The following OR6J1 variants were observed in gnomAD, a reference collection of about 807,000 sequenced individuals.
OR6J1 encodes olfactory receptor 6J1.
For missense variants in OR6J1, 304 were observed against 166.8 expected (o/e 1.82, Z -4.53); for synonymous variants, 109 against 70.0 (o/e 1.56, Z -2.78).
intron 1 of OR6J1, among the ~76,000 whole-genome samples, chr14:22,637,584 T>C (rs1393574718): frequency 3.1e-5 from 1 of 31,786 alleles, no homozygotes; most frequent in Admixed American, 2.5e-4. Flanking sequence ...GGGAGGGAGG[T>C]GGGGGGGTCA....
chr14:22,638,743 A>G (rs185077567), intron 1 of OR6J1, among the ~76,000 whole-genome samples: 1 of 152,346 alleles, frequency 6.6e-6, no homozygotes, highest in East Asian at 1.9e-4. Context: ...CAAAAATATG[A>G]CAATAACAAG....
At position 22,641,257 on chromosome 14, in the gene OR6J1, GAAAGAAAGA is replaced by G. The variant is rs2037645621; in HGVS notation, c.-28+2832_-28+2840del. 1.2e-4 allele frequency among the ~76,000 whole-genome samples: 13 copies of G among 111,710 alleles called. 1 individual carries two copies. Among genetic ancestry groups the G allele is most frequent in the South Asian group, 6.3e-4 (2 of 3,180 alleles). The allele number at this position is 111,710 out of a possible 152,430, so 73.3% of individuals were successfully genotyped here. ...AGAAAGAAAGAAAGAAAGAAAGAAA[GAAAGAAAGA>G]AAGGAAGGAAGGAAGAAAGAGAAGA... is the stretch of plus-strand genomic sequence containing the variant. On this transcript the variant is annotated intron_variant, in intron 1 of 1. Transcript: ENST00000540461.
At chr14:22,642,547 T>C (rs1189318730) in intron 1 of OR6J1, among the ~76,000 whole-genome samples, 1 of 151,204 alleles carries the variant, frequency 6.6e-6, no homozygotes, top group Non-Finnish European at 1.5e-5. Flanking sequence ...ACCGTGTTGG[T>C]CAGGCTGGTC....
At chr14:22,642,312 A>AATATATATATATATATATATATATATAT (rs71421135) in intron 1 of OR6J1, among the ~76,000 whole-genome samples, 3 of 109,232 alleles carry the variant, frequency 2.7e-5, no homozygotes, top group East Asian at 2.3e-4. Flanking sequence ...TCAACTTAAG[A>AATATATATATATATATATATATATATAT]ATATATATAT....
rs1555310998 is a variant in OR6J1, at chr14:22,641,309, AAGAG to A, written c.-28+2785_-28+2788del. ...AGAGAAGAAAGAGAGACAGAGAGGA[AAGAG>A]AGAGAGAGGAAGGAAGGAAGAAAGG... is the stretch of plus-strand genomic sequence containing the variant. On this transcript the variant is annotated intron_variant, in intron 1 of 1. Coordinates refer to ENST00000540461, the MANE Select transcript of OR6J1 (RefSeq NM_001348233.2). 1.7e-4 allele frequency among the ~76,000 whole-genome samples: 15 copies of A among 88,870 alleles called. 1 individual carries two copies. The highest frequency in any genetic ancestry group is 6.0e-4 in the Admixed American group (6 of 9,928). The allele number at this position is 88,870 out of a possible 152,430, so 58.3% of individuals were successfully genotyped here. A position where few individuals can be genotyped will look rare whatever the true frequency, so the allele number is the denominator to read the frequency against.
rs745737345 is a variant in OR6J1 at position 22,634,443 on chromosome 14, G to A, written c.369C>T (p.Ala123=). ...LLTVMSYDRY[A]TICCPLRYTT... is the part of the protein sequence containing the mutation. ...TGTACCGCAGGGGGCAGCAGATGGT[G>A]GCATAACGGTCATAGGACATGACCG... is the stretch of plus-strand genomic sequence containing the variant. Residue 123 remains alanine, a synonymous_variant, in exon 2 of 2, where the codon GCC becomes GCT. Transcript: ENST00000540461. 1.1e-5 allele frequency: 8 copies of A among 703,240 alleles called. No individual in the cohort carries two copies. Among genetic ancestry groups the A allele is most frequent in the Non-Finnish European group, 2.1e-5 (8 of 384,956 alleles). 43.6% of individuals were successfully genotyped at this position (703,240 alleles called of 1,614,324 possible).
intron 1 of OR6J1, among the ~76,000 whole-genome samples, chr14:22,643,764 CAGAGAGAGAGAG>C (rs1233027589): frequency 1.9e-4 from 7 of 37,694 alleles, no homozygotes; most frequent in African/African-American, 4.9e-4. Flanking sequence ...CACACACACA[CAGAGAGAGAGAG>C]AGAGAGAGAG....
At position 22,638,730 on chromosome 14, in the gene OR6J1, A is replaced by C. The variant is rs961726436; in HGVS notation, c.-27-3892T>G. On this transcript the variant is annotated intron_variant, in intron 1 of 1. Coordinates refer to ENST00000540461, the MANE Select transcript of OR6J1 (RefSeq NM_001348233.2). The stretch of plus-strand genomic sequence containing the variant: ...ATTTTATACCCACTATATTGTCAAG[A>C]AGCAAAAATATGACAATAACAAGTG... 8.5e-5 allele frequency among the ~76,000 whole-genome samples: 13 copies of C among 152,226 alleles called. 2 individuals are homozygous for C. Among genetic ancestry groups the C allele is most frequent in the African/African-American group, 3.1e-4 (13 of 41,444 alleles).
intron 1 of OR6J1, among the ~76,000 whole-genome samples, chr14:22,639,348 C>T (rs1306458097): frequency 2.4e-5 from 3 of 125,002 alleles, no homozygotes; most frequent in African/African-American, 7.3e-5. Flanking sequence ...GCCACCCCGT[C>T]CGGGAGGGAG....
intron 1 of OR6J1, among the ~76,000 whole-genome samples, chr14:22,643,555 C>A (rs1193059080): frequency 6.6e-6 from 1 of 151,926 alleles, no homozygotes; most frequent in Admixed American, 6.6e-5. Context: ...TCTTAGCATC[C>A]CAAAGTGCTG....
At chr14:22,640,490 T>G (rs1467466289) in intron 1 of OR6J1, among the ~76,000 whole-genome samples, 1 of 144,202 alleles carries the variant, frequency 6.9e-6, no homozygotes, top group African/African-American at 2.5e-5. Context: ...AATGTATTTT[T>G]TTTTTTTTTT....
At position 22,636,659 on chromosome 14, in the gene OR6J1, G is replaced by A. The variant is rs1318628690; in HGVS notation, c.-27-1821C>T. ...TCCAGCTCCTAGCCACGAGTGATCCGCCAGCCTCAGCCTCCCGGGGTGCCG... is the reference window on the plus strand; with the variant it reads ...TCCAGCTCCTAGCCACGAGTGATCCACCAGCCTCAGCCTCCCGGGGTGCCG... On this transcript the variant is annotated intron_variant, in intron 1 of 1. Coordinates refer to ENST00000540461, the MANE Select transcript of OR6J1 (RefSeq NM_001348233.2). Among the ~76,000 whole-genome samples the A allele has an allele frequency of 1.2e-4, 14 of 115,486 alleles. 1 individual carries two copies. Among genetic ancestry groups the A allele is most frequent in the African/African-American group, 3.8e-4 (8 of 20,812 alleles). 75.8% of individuals were successfully genotyped at this position (115,486 alleles called of 152,430 possible). A position where few individuals can be genotyped will look rare whatever the true frequency, so the allele number is the denominator to read the frequency against.
rs755835818 is a variant in OR6J1, at chr14:22,634,047, C to T, written c.765G>A (p.Val255=). The part of the protein sequence containing the change: ...TIVIISSGIT[V]FIYVTPSQKE... ...TCTGGGAGGGAGTCACATAGATAAA[C>T]ACAGTGATGCCACTAGAAATGATGA... Residue 255 remains valine (V), a synonymous_variant, in exon 2 of 2, where the codon GTG becomes GTA. Coordinates refer to ENST00000540461, the MANE Select transcript of OR6J1 (RefSeq NM_001348233.2). 7.1e-6 allele frequency: 5 copies of T among 702,808 alleles called. No individual in the cohort carries two copies. Among genetic ancestry groups the T allele is most frequent in the African/African-American group, 5.2e-5 (3 of 57,224 alleles). The allele number at this position is 702,808 out of a possible 1,614,324, so 43.5% of individuals were successfully genotyped here.
In OR6J1 at chr14:22,638,672, AAAT is replaced by A. The variant is rs1466857437; in HGVS notation, c.-27-3837_-27-3835del. ...AATAAAAAAAATAAAAATAAAAAAA[AAAT>A]AAAAAAAATTAAGACACTAGCAAGA... On this transcript the variant is annotated intron_variant, in intron 1 of 1. Transcript: ENST00000540461. Among the ~76,000 whole-genome samples, 282 of 110,408 alleles carry A rather than the reference AAAT, an allele frequency of 2.6e-3. 25 individuals are homozygous for A. The highest frequency in any genetic ancestry group is 7.7e-3 in the Admixed American group (90 of 11,726). 72.4% of individuals were successfully genotyped at this position (110,408 alleles called of 152,430 possible). A position where few individuals can be genotyped will look rare whatever the true frequency, so the allele number is the denominator to read the frequency against.
At chr14:22,638,075 A>G (rs1243623923) in intron 1 of OR6J1, among the ~76,000 whole-genome samples, 2 of 98,366 alleles carry the variant, frequency 2.0e-5, no homozygotes, top group South Asian at 2.9e-4. Flanking sequence ...CCGGGAGGTG[A>G]GGGGCGCTTC....
chr14:22,635,633 T>C (rs2037578232), intron 1 of OR6J1, among the ~76,000 whole-genome samples: 1 of 152,046 alleles, frequency 6.6e-6, no homozygotes. Context: ...CAAATATACA[T>C]AAAAATGACC....
At chr14:22,636,755 G>T (rs1356315609) in intron 1 of OR6J1, among the ~76,000 whole-genome samples, 3 of 116,856 alleles carry the variant, frequency 2.6e-5, no homozygotes, top group African/African-American at 1.4e-4. Context: ...GCGTGATCTC[G>T]GCTCGCTACA....
intron 1 of OR6J1, among the ~76,000 whole-genome samples, chr14:22,641,398 A>AAGG (rs1491091645): frequency 0.57 from 69,952 of 121,788 alleles, 19,517 homozygotes; most frequent in East Asian, 0.69. Flanking sequence ...AGAGAGAGAG[A>AAGG]AAGGAAGGAT....
At chr14:22,643,002 T>C (rs1250617028) in intron 1 of OR6J1, among the ~76,000 whole-genome samples, 1 of 150,216 alleles carries the variant, frequency 6.7e-6, no homozygotes, top group Non-Finnish European at 1.5e-5. Flanking sequence ...AGTTTTACTC[T>C]TGTCACCCAG....
Sources: gnomAD v4.1 joint callset for allele counts (sites outside exome capture counted in the v4.1 genomes callset) on GRCh38, gnomAD v4.1.1 for gene constraint, MANE v1.5 for transcripts, NCBI Gene and HGNC (gene_info 2026-07-23, HGNC 2026-07-21) for gene names.